The following PXK variants were observed in gnomAD, a reference collection of about 807,000 sequenced individuals.
PXK encodes the protein PX domain containing serine/threonine kinase like, also known as PX domain-containing protein kinase-like protein.
A neutral mutation model predicts 84.7 loss-of-function variants in PXK; 35 were observed. The observed-to-expected ratio is 0.41, with a 90% CI of 0.32 to 0.55. The LOEUF (loss-of-function observed/expected upper bound fraction) is 0.55. Ranked by LOEUF, PXK falls within the 20% of genes least tolerant of loss-of-function variation. The pLI is 0.21. For synonymous variants in PXK, 253 were observed against 260.8 expected, an observed-to-expected ratio of 0.97 and a Z score of 0.29; for missense variants, 634 against 699.7, an observed-to-expected ratio of 0.91 and a Z score of 1.06.
At chr3:58,362,279 T>G (rs2098199636) in intron 1 of PXK, among the ~76,000 whole-genome samples, 1 of 152,240 alleles carries the variant, frequency 6.6e-6, no homozygotes, top group Non-Finnish European at 1.5e-5. Context: ...TGCCTAAACC[T>G]GGATCCCAGA....
At chr3:58,363,209 A>G (rs2098217147) in intron 1 of PXK, among the ~76,000 whole-genome samples, 1 of 152,134 alleles carries the variant, frequency 6.6e-6, no homozygotes, top group Non-Finnish European at 1.5e-5. Context: ...ATTTCCCTCC[A>G]AGTATTTTTT....
rs1262794521 is a variant in PXK, at chr3:58,421,344, G to A, written c.1529-3408G>A. 2 of 972,680 alleles carry A rather than the reference G, an allele frequency of 2.1e-6. No homozygotes were observed. Among genetic ancestry groups the A allele is most frequent in the Admixed American group, 1.2e-4 (2 of 16,186 alleles). 60.3% of individuals were successfully genotyped at this position (972,680 alleles called of 1,614,324 possible). A position where few individuals can be genotyped will look rare whatever the true frequency, so the allele number is the denominator to read the frequency against. On this transcript the variant is annotated intron_variant, in intron 17 of 17. Transcript: ENST00000356151. The surrounding 1 kb of genome is among the most constrained non-coding windows in gnomAD (Gnocchi z 5.5). Reference sequence around the variant, plus strand: ...CATCTATAATCTCAGCACTTTGGGAGGCTGAGGCGGGCGGATCACAAGGAT... The same window carrying A: ...CATCTATAATCTCAGCACTTTGGGAAGCTGAGGCGGGCGGATCACAAGGAT...
Position 58,416,820 on chromosome 3 carries a change from A to G in PXK, c.1528+3857A>G, listed in dbSNP as rs769718690. Among the ~76,000 whole-genome samples the G allele has an allele frequency of 1.3e-5, 2 of 152,020 alleles. No homozygotes were observed. The highest frequency in any genetic ancestry group is 2.4e-5 in the African/African-American group (1 of 41,392). Reference sequence around the variant, plus strand: ...GTATTTTTGATAGAGATGGGGTTTCACTACGTTGGCCAGGCTGGTCTTGAA... The same window carrying G: ...GTATTTTTGATAGAGATGGGGTTTCGCTACGTTGGCCAGGCTGGTCTTGAA... On this transcript the variant is annotated intron_variant, in intron 17 of 17. Coordinates refer to ENST00000356151, the MANE Select transcript of PXK (RefSeq NM_017771.5). The surrounding 1 kb of genome is among the most constrained non-coding windows in gnomAD (Gnocchi z 4.8).
At chr3:58,386,028 C>G (rs1052229021) in intron 4 of PXK, among the ~76,000 whole-genome samples, 12 of 152,098 alleles carry the variant, frequency 7.9e-5, no homozygotes, top group Non-Finnish European at 1.2e-4. Flanking sequence ...TGGGAGCTCT[C>G]AGGACATTGG....
intron 9 of PXK, 47 bp from the exon 10 acceptor site, chr3:58,396,992 T>A (rs371967211): frequency 4.5e-6 from 7 of 1,566,338 alleles, no homozygotes; most frequent in African/African-American, 1.4e-5. Context: ...TTGTCTTATA[T>A]CTGAATGAGT....
At chr3:58,339,613 G>T (rs1055375805) in intron 1 of PXK, among the ~76,000 whole-genome samples, 1 of 152,078 alleles carries the variant, frequency 6.6e-6, no homozygotes, top group African/African-American at 2.4e-5. Flanking sequence ...ACTATCCCAT[G>T]AGAAAGATTT....
intron 17 of PXK, chr3:58,422,421 A>AGGCCACATCAGGGAGATCCTGCTGC: frequency 1.0e-6 from 1 of 985,390 alleles, no homozygotes; most frequent in East Asian, 1.1e-4. Context: ...CAGCCTGCTG[A>AGGCCACATCAGGGAGATCCTGCTGC]GGCCACATCA....
intron 1 of PXK, among the ~76,000 whole-genome samples, chr3:58,336,909 A>G (rs1041819362): frequency 3.7e-4 from 56 of 152,278 alleles, no homozygotes; most frequent in African/African-American, 1.3e-3. Context: ...TCCCAGGTTC[A>G]AGCGATTCTT....
At chr3:58,408,749 C>T (rs1030345666) in intron 13 of PXK, among the ~76,000 whole-genome samples, 175 bp from the exon 14 acceptor site, 3 of 152,128 alleles carry the variant, frequency 2.0e-5, no homozygotes, top group Non-Finnish European at 4.4e-5. Context: ...GTCTCCATCT[C>T]CTGACCGCGT....
chr3:58,340,019 T>C (rs1002442485), intron 1 of PXK, among the ~76,000 whole-genome samples: 23 of 151,692 alleles, frequency 1.5e-4, no homozygotes, highest in African/African-American at 5.3e-4. Flanking sequence ...GGTTTCACCA[T>C]GTTGGCCCGG....
chr3:58,365,800 T>G, intron 1 of PXK, 74 bp from the exon 2 acceptor site: 1 of 1,265,316 alleles, frequency 7.9e-7, no homozygotes, highest in East Asian at 2.5e-5. Context: ...TTTTTAAAAC[T>G]TATTTTTGAT....
chr3:58,359,301 G>A (rs1418156982), intron 1 of PXK, among the ~76,000 whole-genome samples: 4 of 151,868 alleles, frequency 2.6e-5, no homozygotes, highest in Admixed American at 6.6e-5. Context: ...GGAGGGCGAG[G>A]TGGGCAGATC....
At chr3:58,424,060 TAAG>T (rs2062418163) in intron 17 of PXK, among the ~76,000 whole-genome samples, 1 of 152,196 alleles carries the variant, frequency 6.6e-6, no homozygotes, top group Admixed American at 6.5e-5. Context: ...GATTTCTCTG[TAAG>T]AATACCATGG....
chr3:58,423,040 C>A, intron 17 of PXK: 1 of 985,198 alleles, frequency 1.0e-6, no homozygotes, highest in Non-Finnish European at 1.2e-6. Flanking sequence ...CACCTACTTA[C>A]CCCCAAGTGG....
At chr3:58,389,868 G>A (rs186341451) in intron 4 of PXK, among the ~76,000 whole-genome samples, 2 of 151,828 alleles carry the variant, frequency 1.3e-5, no homozygotes, top group East Asian at 1.9e-4. Flanking sequence ...GCATGGTGGC[G>A]CATGCCTGTA....
Position 58,383,707 on chromosome 3 carries a change from C to T in PXK, c.388+1007C>T, listed in dbSNP as rs9810186. On this transcript the variant is annotated intron_variant, in intron 4 of 17. Coordinates refer to ENST00000356151, the MANE Select transcript of PXK (RefSeq NM_017771.5). This position sits in a 1 kb window ranked among gnomAD's most constrained non-coding sequence, Gnocchi z 4.0. Reference sequence around the variant, plus strand: ...CTAAATACTTAATACATTCTGGTGTCACTTTGAAAAGAACAGTAGAAACCA... The same window carrying T: ...CTAAATACTTAATACATTCTGGTGTTACTTTGAAAAGAACAGTAGAAACCA... 0.069 allele frequency among the ~76,000 whole-genome samples: 10,579 copies of T among 152,238 alleles called. 462 individuals carry two copies. The highest frequency in any genetic ancestry group is 0.086 in the African/African-American group (3,568 of 41,526).
At chr3:58,350,404 C>T (rs1158640113) in intron 1 of PXK, among the ~76,000 whole-genome samples, 5 of 152,106 alleles carry the variant, frequency 3.3e-5, no homozygotes, top group South Asian at 2.1e-4. Flanking sequence ...TCTCCAGGCC[C>T]GGGTTCTTGT....
chr3:58,338,296 C>A (rs2097660268), intron 1 of PXK, among the ~76,000 whole-genome samples: 1 of 139,344 alleles, frequency 7.2e-6, no homozygotes, highest in African/African-American at 2.7e-5. Context: ...GCCGACATCA[C>A]GCCATTGCAC....
At chr3:58,417,232 C>G (rs758117615) in intron 17 of PXK, among the ~76,000 whole-genome samples, 17 of 152,202 alleles carry the variant, frequency 1.1e-4, no homozygotes, top group Non-Finnish European at 2.4e-4. Flanking sequence ...CAAGCACACT[C>G]TAAATCCTAA....
Sources: allele counts gnomAD v4.1 joint callset (sites outside exome capture counted in the v4.1 genomes callset), GRCh38; gene constraint gnomAD v4.1.1; non-coding constraint Gnocchi (gnomAD v3.1); transcripts MANE v1.5; gene names NCBI Gene and HGNC (gene_info 2026-07-23, HGNC 2026-07-21).